GRB14: variants seen among roughly 807,000 people sequenced by gnomAD.
GRB14 encodes growth factor receptor bound protein 14.
A neutral mutation model predicts 69.1 loss-of-function variants in GRB14; 38 were observed. The observed-to-expected ratio is 0.55, with a 90% CI of 0.42 to 0.72. The LOEUF is 0.72. Among genes scored for constraint, GRB14 ranks in the 30% least tolerant of loss-of-function variants. The pLI is 0.00. For missense variants in GRB14, 666 were observed against 666.1 expected, an observed-to-expected ratio of 1.00 and a Z score of 0.00; for synonymous variants, 247 against 241.3, an observed-to-expected ratio of 1.02 and a Z score of -0.22.
rs541068243 is a variant in GRB14, at chr2:164,540,359, C to T, written c.481+7301G>A. ...GTTGTGGTGGCTCACACCTGTAATC[C>T]CAGCACTTTGGGAGTCCGAGGCGGG... On this transcript the variant is annotated intron_variant, in intron 3 of 13. Transcript: ENST00000263915. 3.9e-5 allele frequency among the ~76,000 whole-genome samples: 6 copies of T among 152,260 alleles called. No homozygotes were observed. In the South Asian group the frequency reaches 8.3e-4, roughly 21 times the overall value.
At chr2:164,527,561 T>C (rs1394301030) in intron 3 of GRB14, among the ~76,000 whole-genome samples, 3 of 151,834 alleles carry the variant, frequency 2.0e-5, no homozygotes, top group Non-Finnish European at 4.4e-5. Context: ...ATTCACCTCA[T>C]TAAGAGATGA....
chr2:164,509,028 G>C (rs955667727), intron 6 of GRB14, among the ~76,000 whole-genome samples, 176 bp from the exon 7 acceptor site: 2 of 151,960 alleles, frequency 1.3e-5, no homozygotes, highest in African/African-American at 4.8e-5. Flanking sequence ...TTAACCAGGA[G>C]CTGGATACAA....
chr2:164,518,977 T>C (rs1687564716), intron 6 of GRB14, among the ~76,000 whole-genome samples: 2 of 152,200 alleles, frequency 1.3e-5, no homozygotes, highest in South Asian at 4.2e-4. Context: ...ATTGACACTA[T>C]TCCACAAGAC....
intron 2 of GRB14, among the ~76,000 whole-genome samples, chr2:164,601,684 C>G (rs1197634880): frequency 6.6e-6 from 1 of 152,004 alleles, no homozygotes; most frequent in African/African-American, 2.4e-5. Context: ...ATAAAAATAA[C>G]ATATTTGAAA....
chr2:164,568,639 A>G (rs147234992), intron 2 of GRB14, among the ~76,000 whole-genome samples: 92 of 152,334 alleles, frequency 6.0e-4, no homozygotes, highest in East Asian at 1.5e-3. Context: ...TGTTTATGAT[A>G]TTTAAAGAAC....
chr2:164,516,934 G>T (rs1396457244), intron 6 of GRB14, among the ~76,000 whole-genome samples: 1 of 152,170 alleles, frequency 6.6e-6, no homozygotes, highest in Non-Finnish European at 1.5e-5. Context: ...TGAGGCAGAA[G>T]AATCACTTGA....
At chr2:164,494,177 T>C (rs1686832637) in intron 13 of GRB14, among the ~76,000 whole-genome samples, 2 of 152,210 alleles carry the variant, frequency 1.3e-5, no homozygotes, top group Admixed American at 1.3e-4. Flanking sequence ...ATGGGGTCTA[T>C]ACAATATTGC....
At chr2:164,549,349 G>GTT (rs1688466828) in intron 2 of GRB14, among the ~76,000 whole-genome samples, 1 of 152,100 alleles carries the variant, frequency 6.6e-6, no homozygotes, top group African/African-American at 2.4e-5. Context: ...ATTCTGGTAA[G>GTT]TCAGCAAAGA....
chr2:164,543,051 G>T (rs138876988), intron 3 of GRB14, among the ~76,000 whole-genome samples: 6 of 152,086 alleles, frequency 3.9e-5, no homozygotes, highest in African/African-American at 1.4e-4. Flanking sequence ...CTAGCACTTT[G>T]GGAGGTCAAG....
At chr2:164,550,000 AT>A (rs1171038500) in intron 2 of GRB14, among the ~76,000 whole-genome samples, 4 of 152,146 alleles carry the variant, frequency 2.6e-5, no homozygotes, top group Non-Finnish European at 5.9e-5. Flanking sequence ...TATTGCAGAT[AT>A]ACTCAAGTAG....
chr2:164,614,091 A>G (rs1690228501), intron 2 of GRB14, among the ~76,000 whole-genome samples: 1 of 152,190 alleles, frequency 6.6e-6, no homozygotes, highest in African/African-American at 2.4e-5. Context: ...TAATGACCAC[A>G]CTTTGAGAAG....
intron 2 of GRB14, among the ~76,000 whole-genome samples, chr2:164,548,279 A>AAGGACTT (rs1291876179): frequency 1.3e-5 from 2 of 152,178 alleles, no homozygotes; most frequent in Non-Finnish European, 2.9e-5. Context: ...GAAAAGAAAG[A>AAGGACTT]AGGACTTATT....
rs1686782016 is a variant in GRB14, at chr2:164,492,437, T to C, written c.*599A>G. Among the ~76,000 whole-genome samples, 2 of 151,920 alleles carry C rather than the reference T, an allele frequency of 1.3e-5. No individual in the cohort carries two copies. The highest frequency in any genetic ancestry group is 1.3e-4 in the Admixed American group (2 of 15,234). On this transcript the variant is annotated 3_prime_UTR_variant, in exon 14 of 14. Coordinates refer to ENST00000263915, the MANE Select transcript of GRB14 (RefSeq NM_004490.3). ...CAGTATAAATTTTATAATTAACTAT[T>C]TAATAATATTTTTAAATTACCTGGA...
At chr2:164,549,757 G>T (rs1688481011) in intron 2 of GRB14, among the ~76,000 whole-genome samples, 2 of 151,888 alleles carry the variant, frequency 1.3e-5, no homozygotes, top group Admixed American at 6.6e-5. Flanking sequence ...CCAGCTACTT[G>T]GGAGGCTGAG....
At chr2:164,611,549 G>A (rs1465649325) in intron 2 of GRB14, among the ~76,000 whole-genome samples, 1 of 151,276 alleles carries the variant, frequency 6.6e-6, no homozygotes, top group African/African-American at 2.4e-5. Flanking sequence ...ATTAAACCAA[G>A]TAGAGCCAAA....
chr2:164,493,282 T>G, intron 13 of GRB14, 100 bp from the exon 14 acceptor site: 1 of 1,016,724 alleles, frequency 9.8e-7, no homozygotes. Context: ...AACTGCCAAG[T>G]TTATAAAACT....
At chr2:164,572,127 A>G (rs528730252) in intron 2 of GRB14, among the ~76,000 whole-genome samples, 2 of 152,344 alleles carry the variant, frequency 1.3e-5, no homozygotes, top group East Asian at 1.9e-4. Flanking sequence ...TATAGTATAC[A>G]AAGTGGAATC....
intron 2 of GRB14, among the ~76,000 whole-genome samples, chr2:164,618,074 C>A (rs1260162778): frequency 6.6e-6 from 1 of 151,670 alleles, no homozygotes; most frequent in Non-Finnish European, 1.5e-5. Flanking sequence ...TCAAGCGATT[C>A]TCCTGCCTCC....
intron 2 of GRB14, among the ~76,000 whole-genome samples, chr2:164,579,919 C>T (rs73971050): frequency 1.3e-5 from 2 of 151,850 alleles, no homozygotes; most frequent in African/African-American, 4.8e-5. Flanking sequence ...TTTATAATTC[C>T]TTTACTATCA....
Sources: allele counts gnomAD v4.1 joint callset (sites outside exome capture counted in the v4.1 genomes callset), GRCh38; gene constraint gnomAD v4.1.1; transcripts MANE v1.5; gene names NCBI Gene and HGNC (gene_info 2026-07-23, HGNC 2026-07-21).